Variants in HACD2 observed in about 807,000 individuals in gnomAD.
The protein encoded by HACD2 is very-long-chain (3R)-3-hydroxyacyl-CoA dehydratase 2.
HACD2 carries 15 observed loss-of-function variants against 31.0 expected under a neutral mutation model. The observed-to-expected ratio is 0.48, with a 90% CI of 0.32 to 0.75. The LOEUF (loss-of-function observed/expected upper bound fraction) is 0.75, where lower values mean the gene tolerates loss of function less well. Ranked by LOEUF, HACD2 falls within the 30% of genes least tolerant of loss-of-function variation. The pLI is 0.03. For synonymous variants in HACD2, 115 were observed against 122.2 expected, an observed-to-expected ratio of 0.94 and a Z score of 0.39; for missense variants, 283 against 313.0, an observed-to-expected ratio of 0.90 and a Z score of 0.72.
chr3:123,503,608 C>A (rs1277174817), intron 4 of HACD2, among the ~76,000 whole-genome samples: 4 of 151,834 alleles, frequency 2.6e-5, no homozygotes, highest in Non-Finnish European at 4.4e-5. Flanking sequence ...CTTTCAGCAC[C>A]TCCCCCAGTC....
chr3:123,566,950 G>C (rs1291481883), intron 3 of HACD2, among the ~76,000 whole-genome samples: 1 of 152,188 alleles, frequency 6.6e-6, no homozygotes, highest in African/African-American at 2.4e-5. Context: ...TGAACTGTAA[G>C]TTTCCCTGAA....
In HACD2 at chr3:123,494,547, C is replaced by T. The variant is rs973276401; in HGVS notation, c.*341G>A. On this transcript the variant is annotated 3_prime_UTR_variant, in exon 7 of 7. Transcript: ENST00000383657. Reference sequence around the variant, plus strand: ...TACGACTTCATTATTCAGACTGTAACTCTCAAGTACTTAGTGTTACAGGTC... The same window carrying T: ...TACGACTTCATTATTCAGACTGTAATTCTCAAGTACTTAGTGTTACAGGTC... 1 of 303,870 alleles carries T rather than the reference C, an allele frequency of 3.3e-6. No homozygotes were observed. Among genetic ancestry groups the T allele is most frequent in the African/African-American group, 2.3e-5 (1 of 43,702 alleles). The allele number at this position is 303,870 out of a possible 1,614,324, so 18.8% of individuals were successfully genotyped here. A position where few individuals can be genotyped will look rare whatever the true frequency, so the allele number is the denominator to read the frequency against.
chr3:123,540,757 G>GT (rs961136146), intron 3 of HACD2, among the ~76,000 whole-genome samples: 14 of 151,380 alleles, frequency 9.2e-5, no homozygotes, highest in East Asian at 7.7e-4. Context: ...ATCACAGACA[G>GT]TTTTTTTTTA....
chr3:123,580,186 G>T (rs1382268083), intron 2 of HACD2, among the ~76,000 whole-genome samples: 1 of 149,990 alleles, frequency 6.7e-6, no homozygotes, highest in Non-Finnish European at 1.5e-5. Context: ...AAAGAAAAAA[G>T]AAAGAAAGAA....
chr3:123,577,804 T>TA (rs1324982815), intron 2 of HACD2, among the ~76,000 whole-genome samples: 2 of 152,160 alleles, frequency 1.3e-5, no homozygotes, highest in Admixed American at 1.3e-4. Flanking sequence ...CATCAATGAA[T>TA]ATCATGGACT....
chr3:123,566,058 C>T (rs1035946548), intron 3 of HACD2, among the ~76,000 whole-genome samples: 1 of 152,106 alleles, frequency 6.6e-6, no homozygotes, highest in Non-Finnish European at 1.5e-5. Context: ...AAGCCACTTT[C>T]AAATCTACCA....
chr3:123,551,782 C>A (rs899956853), intron 3 of HACD2, among the ~76,000 whole-genome samples: 11 of 152,054 alleles, frequency 7.2e-5, no homozygotes, highest in Non-Finnish European at 1.5e-4. Context: ...AAACATTAAG[C>A]TACAAGTAGT....
intron 4 of HACD2, among the ~76,000 whole-genome samples, chr3:123,514,429 T>TAA (rs5852341): frequency 6.6e-6 from 1 of 151,080 alleles, no homozygotes; most frequent in Admixed American, 6.6e-5. Context: ...AATTGTTTTC[T>TAA]AAAAATCACC....
chr3:123,571,224 T>C (rs1184288396), intron 2 of HACD2, among the ~76,000 whole-genome samples: 1 of 152,236 alleles, frequency 6.6e-6, no homozygotes, highest in Non-Finnish European at 1.5e-5. Flanking sequence ...TCTCGTTTCA[T>C]ACCAATGATG....
chr3:123,541,805 T>A (rs2107720427), intron 3 of HACD2, among the ~76,000 whole-genome samples: 1 of 152,256 alleles, frequency 6.6e-6, no homozygotes, highest in South Asian at 2.1e-4. Flanking sequence ...AAATCAAATA[T>A]TTGCAACCAA....
chr3:123,557,844 A>G (rs553885230), intron 3 of HACD2, among the ~76,000 whole-genome samples: 1 of 152,386 alleles, frequency 6.6e-6, no homozygotes, highest in Admixed American at 6.5e-5. Context: ...GCAAAACGGT[A>G]CAGACACTTT....
intron 3 of HACD2, among the ~76,000 whole-genome samples, chr3:123,555,332 G>T (rs1034528480): frequency 6.6e-6 from 1 of 151,908 alleles, no homozygotes; most frequent in Admixed American, 6.6e-5. Context: ...CTATATAGAA[G>T]ATCTCAAAGA....
intron 4 of HACD2, among the ~76,000 whole-genome samples, chr3:123,505,033 C>T (rs1373485367): frequency 6.6e-6 from 1 of 152,198 alleles, no homozygotes; most frequent in Non-Finnish European, 1.5e-5. Context: ...GTGGTCTATA[C>T]ATACAGCGGG....
At chr3:123,542,161 A>AAAAAAAAAAAAAAAAAC (rs2056500439) in intron 3 of HACD2, among the ~76,000 whole-genome samples, 2 of 148,894 alleles carry the variant, frequency 1.3e-5, no homozygotes, top group Non-Finnish European at 3.0e-5. Context: ...AAAAAAAAAA[A>AAAAAAAAAAAAAAAAAC]AAAAAAAAAA....
At chr3:123,559,559 C>T (rs1325951567) in intron 3 of HACD2, among the ~76,000 whole-genome samples, 1 of 152,254 alleles carries the variant, frequency 6.6e-6, no homozygotes, top group Admixed American at 6.5e-5. Context: ...CCAATGCCCT[C>T]GTTTTTCACA....
chr3:123,567,121 G>A (rs1319447480), intron 3 of HACD2, among the ~76,000 whole-genome samples: 1 of 152,130 alleles, frequency 6.6e-6, no homozygotes, highest in African/African-American at 2.4e-5. Flanking sequence ...CTACGGTCTT[G>A]CTCTATAGGG....
In HACD2 at chr3:123,500,656, A is replaced by T; in HGVS notation, c.541T>A (p.Ser181Thr). The T allele has an allele frequency of 6.2e-7, 1 of 1,613,108 alleles. No homozygotes were observed. Among genetic ancestry groups the T allele is most frequent in the Non-Finnish European group, 8.5e-7 (1 of 1,179,648 alleles). ...GCATATATTGTGAGCAGTTCTCCTG[A>T]CACTCCCATTGGGTACAGCACAATG... ...LFIVLYPMGV[S>T]GELLTIYAAL... Residue 181 changes from serine to threonine, a missense_variant, in exon 6 of 7, where the codon TCA becomes ACA. Around this residue, in one of 3 missense-constraint regions of HACD2, gnomAD observed 85 missense variants for 129.6 expected, o/e 0.66. Transcript: ENST00000383657.
chr3:123,502,807 T>G (rs1413025595), intron 4 of HACD2, 126 bp from the exon 5 acceptor site: 3 of 951,426 alleles, frequency 3.2e-6, no homozygotes, highest in Admixed American at 5.2e-5. Context: ...AGGACCCCTG[T>G]ATGGCAGAAA....
intron 3 of HACD2, among the ~76,000 whole-genome samples, chr3:123,533,099 G>A (rs1174367547): frequency 6.6e-6 from 1 of 152,174 alleles, no homozygotes; most frequent in African/African-American, 2.4e-5. Context: ...TTTTGTGTAT[G>A]AGCTACCACA....
Sources: gnomAD v4.1 joint callset for allele counts (sites outside exome capture counted in the v4.1 genomes callset) on GRCh38, gnomAD v4.1.1 for gene constraint, gnomAD v4.1.1 regional missense constraint, MANE v1.5 for transcripts, NCBI Gene and HGNC (gene_info 2026-07-23, HGNC 2026-07-21) for gene names.